The following CACNB4 variants were observed in gnomAD, a reference collection of about 807,000 sequenced individuals.
CACNB4 encodes voltage-dependent L-type calcium channel subunit beta-4.
Under a neutral mutation model 71.2 loss-of-function variants are expected in CACNB4, and 32 were observed. The observed-to-expected ratio is 0.45, with a 90% confidence interval of 0.34 to 0.60. The LOEUF (loss-of-function observed/expected upper bound fraction) is 0.60. Ranked by LOEUF, CACNB4 falls within the 20% of genes least tolerant of loss-of-function variation. The probability of loss-of-function intolerance (pLI) is 0.01; values close to 1 mark genes in which losing one functional copy is unlikely to be tolerated. For synonymous variants in CACNB4, 231 were observed against 236.9 expected (o/e 0.97, Z 0.23); for missense variants, 464 against 647.9 (o/e 0.72, Z 3.08).
chr2:151,923,559 C>T (rs533910531), intron 2 of CACNB4, among the ~76,000 whole-genome samples: 8 of 152,282 alleles, frequency 5.3e-5, no homozygotes, highest in East Asian at 3.9e-4. Flanking sequence ...GGTGGAGGCC[C>T]GGATGGCATC....
chr2:151,859,399 G>A (rs2099841101), intron 10 of CACNB4: 1 of 152,146 alleles, frequency 6.6e-6, no homozygotes, highest in Non-Finnish European at 1.5e-5. Flanking sequence ...TACATTAGAA[G>A]GAGTACTTAA....
chr2:151,875,527 T>C (rs1270232008), intron 5 of CACNB4, among the ~76,000 whole-genome samples: 1 of 149,606 alleles, frequency 6.7e-6, no homozygotes, highest in African/African-American at 2.5e-5. Context: ...CCAGACGGGG[T>C]GGTGGCCGGG....
chr2:152,081,509 A>G (rs1424198910), intron 2 of CACNB4, among the ~76,000 whole-genome samples: 1 of 152,026 alleles, frequency 6.6e-6, no homozygotes, highest in Admixed American at 6.6e-5. Context: ...GAAAAAAAAA[A>G]GATCCTGACA....
chr2:151,984,450 A>G (rs1681218425), intron 2 of CACNB4, among the ~76,000 whole-genome samples: 1 of 152,204 alleles, frequency 6.6e-6, no homozygotes. Flanking sequence ...GTGAGCCTCA[A>G]CTAATACAGG....
At chr2:151,993,928 T>C (rs1327084802) in intron 2 of CACNB4, among the ~76,000 whole-genome samples, 1 of 151,042 alleles carries the variant, frequency 6.6e-6, no homozygotes, top group Admixed American at 6.6e-5. Flanking sequence ...TCCCAGCACT[T>C]TGGGAGGTCA....
chr2:152,048,634 A>T (rs1685257585), intron 2 of CACNB4: 1 of 152,256 alleles, frequency 6.6e-6, no homozygotes, highest in Non-Finnish European at 1.5e-5. Context: ...AGCAGGAGAG[A>T]CAGCTCTCTA....
At chr2:152,029,488 G>A (rs1301611949) in intron 2 of CACNB4, among the ~76,000 whole-genome samples, 4 of 51,340 alleles carry the variant, frequency 7.8e-5, no homozygotes, top group African/African-American at 7.4e-5. Flanking sequence ...AGCGAGACTC[G>A]ATCTCAAAAA....
At chr2:152,026,224 T>G (rs1349840578) in intron 2 of CACNB4, among the ~76,000 whole-genome samples, 2 of 152,182 alleles carry the variant, frequency 1.3e-5, no homozygotes, top group Non-Finnish European at 2.9e-5. Context: ...ACTCGAGCAC[T>G]GGATCTTACT....
rs145968661 is a variant in CACNB4, at chr2:151,996,577, C to T, written c.147+101753G>A. ...AAGTGACCTTACATAATCCTTCTGGCTTTCAGTTTTTTCCATTTTCAAACT... is the reference window on the plus strand; with the variant it reads ...AAGTGACCTTACATAATCCTTCTGGTTTTCAGTTTTTTCCATTTTCAAACT... On this transcript the variant is annotated intron_variant, in intron 2 of 13. Coordinates refer to ENST00000539935, the MANE Select transcript of CACNB4 (RefSeq NM_000726.5). Among the ~76,000 whole-genome samples the T allele has an allele frequency of 8.5e-5, 13 of 152,102 alleles. No homozygotes were observed. The East Asian group carries it at 1.7e-3, about 20-fold the overall frequency.
At chr2:151,985,649 T>C (rs1322889794) in intron 2 of CACNB4, among the ~76,000 whole-genome samples, 2 of 149,824 alleles carry the variant, frequency 1.3e-5, no homozygotes, top group African/African-American at 2.4e-5. Context: ...ATGCCAATAG[T>C]AGAAATCCAC....
intron 2 of CACNB4, 153 bp from the exon 3 acceptor site, chr2:151,883,523 T>C: frequency 1.4e-6 from 1 of 713,154 alleles, no homozygotes; most frequent in East Asian, 2.7e-5. Flanking sequence ...GATGGCAGAA[T>C]ATAGTTAAGC....
intron 11 of CACNB4, chr2:151,854,703 T>C (rs2099839835): frequency 6.6e-6 from 1 of 152,298 alleles, no homozygotes; most frequent in Admixed American, 6.5e-5. Flanking sequence ...TTTCCCATTG[T>C]GCTTATCGTG....
At chr2:152,038,477 C>G (rs949971407) in intron 2 of CACNB4, among the ~76,000 whole-genome samples, 1 of 152,128 alleles carries the variant, frequency 6.6e-6, no homozygotes, top group African/African-American at 2.4e-5. Flanking sequence ...ATGATGAGCA[C>G]CTGGGACACA....
At chr2:152,025,509 G>C (rs993999451) in intron 2 of CACNB4, among the ~76,000 whole-genome samples, 3 of 152,214 alleles carry the variant, frequency 2.0e-5, no homozygotes, top group African/African-American at 7.2e-5. Flanking sequence ...AATATGCATT[G>C]TGCCTTAAAT....
chr2:151,846,844 T>C (rs2099837721), intron 12 of CACNB4, among the ~76,000 whole-genome samples: 1 of 152,132 alleles, frequency 6.6e-6, no homozygotes, highest in Non-Finnish European at 1.5e-5. Context: ...CATGAGCCAC[T>C]GTGCCTGAAC....
rs78899217 is a variant in CACNB4, at chr2:151,950,248, T to C, written c.148-66878A>G. On this transcript the variant is annotated intron_variant, in intron 2 of 13. Transcript: ENST00000539935. ...ACACATACAGAGCCATATTTTTATT[T>C]CTCAATAAAGGCATCCTAATGTACA... Among the ~76,000 whole-genome samples, 346 of 152,160 alleles carry C rather than the reference T, an allele frequency of 2.3e-3. 1 individual carries two copies. Among genetic ancestry groups the C allele is most frequent in the African/African-American group, 8.0e-3 (330 of 41,496 alleles).
intron 2 of CACNB4, among the ~76,000 whole-genome samples, chr2:151,999,560 G>A (rs1682278647): frequency 1.3e-5 from 2 of 152,158 alleles, no homozygotes; most frequent in Non-Finnish European, 2.9e-5. Flanking sequence ...GAAATTTGCA[G>A]AGGTGGGGCC....
intron 2 of CACNB4, among the ~76,000 whole-genome samples, chr2:151,926,324 G>T (rs2099860251): frequency 6.6e-6 from 1 of 152,134 alleles, no homozygotes; most frequent in Non-Finnish European, 1.5e-5. Flanking sequence ...CTCAAATACT[G>T]CTCATAAGGC....
At chr2:151,952,825 T>C (rs1309469960) in intron 2 of CACNB4, among the ~76,000 whole-genome samples, 1 of 152,180 alleles carries the variant, frequency 6.6e-6, no homozygotes, top group Non-Finnish European at 1.5e-5. Context: ...CTCAAAAACA[T>C]TTGAAACACT....
Sources: allele counts gnomAD v4.1 joint callset (sites outside exome capture counted in the v4.1 genomes callset), GRCh38; gene constraint gnomAD v4.1.1; transcripts MANE v1.5; gene names NCBI Gene and HGNC (gene_info 2026-07-23, HGNC 2026-07-21).